SLC25A26: variants seen among roughly 807,000 people sequenced by gnomAD.
SLC25A26 encodes the protein solute carrier family 25 member 26.
SLC25A26 carries 36 observed loss-of-function variants against 37.8 expected under a neutral mutation model. The ratio of observed to expected loss-of-function variants is 0.95; its 90% CI spans 0.73 to 1.26. The LOEUF is 1.26. Ranked by LOEUF, SLC25A26 falls within the 50% of genes most tolerant of loss-of-function variation. The pLI, the probability that SLC25A26 is intolerant of heterozygous loss-of-function variation, is 0.00. For missense variants in SLC25A26, 390 were observed against 331.1 expected, an observed-to-expected ratio of 1.18 and a Z score of -1.38; for synonymous variants, 129 against 122.5, an observed-to-expected ratio of 1.05 and a Z score of -0.35.
At chr3:66,286,729 G>C (rs114405321) in intron 5 of SLC25A26, among the ~76,000 whole-genome samples, 371 of 152,126 alleles carry the variant, frequency 2.4e-3, no homozygotes, top group Non-Finnish European at 3.5e-3. Context: ...ACCAAGGCTG[G>C]GGTGCAGTGG....
intron 4 of SLC25A26, among the ~76,000 whole-genome samples, chr3:66,262,400 C>T (rs961345372): frequency 6.6e-6 from 1 of 152,132 alleles, no homozygotes; most frequent in African/African-American, 2.4e-5. Context: ...TCCTGCAGTT[C>T]TTCTGGAATC....
intron 1 of SLC25A26, among the ~76,000 whole-genome samples, chr3:66,151,242 C>T (rs2070204119): frequency 6.6e-6 from 1 of 152,136 alleles, no homozygotes; most frequent in African/African-American, 2.4e-5. Context: ...GTCAGCCTTA[C>T]TCCACTACTC....
intron 6 of SLC25A26, among the ~76,000 whole-genome samples, chr3:66,359,402 AT>A (rs1200764380): frequency 6.6e-6 from 1 of 152,168 alleles, no homozygotes; most frequent in Non-Finnish European, 1.5e-5. Context: ...CTTGCATAAC[AT>A]TTTTGATTTC....
intron 5 of SLC25A26, among the ~76,000 whole-genome samples, chr3:66,333,027 T>A (rs2076013055): frequency 6.6e-6 from 1 of 152,184 alleles, no homozygotes; most frequent in South Asian, 2.1e-4. Context: ...TTGCTATGGC[T>A]TCCATTGTCG....
chr3:66,276,008 A>G (rs528582233), intron 5 of SLC25A26, among the ~76,000 whole-genome samples: 9 of 152,262 alleles, frequency 5.9e-5, no homozygotes, highest in East Asian at 5.8e-4. Flanking sequence ...TAAGAAAACT[A>G]AATTTGAAGG....
chr3:66,191,336 A>C (rs1216524123), intron 1 of SLC25A26, among the ~76,000 whole-genome samples: 2 of 152,222 alleles, frequency 1.3e-5, no homozygotes, highest in Non-Finnish European at 2.9e-5. Context: ...TTGAGGCTGC[A>C]GTGAGCTGTG....
At chr3:66,265,258 G>C (rs2073698355) in intron 5 of SLC25A26, among the ~76,000 whole-genome samples, 1 of 152,064 alleles carries the variant, frequency 6.6e-6, no homozygotes, top group African/African-American at 2.4e-5. Context: ...AGTGAGCTGT[G>C]ATTGTGCCAC....
chr3:66,223,852 A>C (rs959512190), intron 1 of SLC25A26, among the ~76,000 whole-genome samples: 2 of 152,174 alleles, frequency 1.3e-5, no homozygotes, highest in African/African-American at 4.8e-5. Context: ...CAAAGAGTAC[A>C]TTGATCAGTG....
intron 5 of SLC25A26, among the ~76,000 whole-genome samples, chr3:66,303,744 G>A (rs1041731329): frequency 6.6e-6 from 1 of 152,196 alleles, no homozygotes; most frequent in African/African-American, 2.4e-5. Context: ...GGTCTCTACA[G>A]CAGCAGTCTG....
chr3:66,328,738 C>T (rs1449211054), intron 5 of SLC25A26, among the ~76,000 whole-genome samples: 1 of 152,102 alleles, frequency 6.6e-6, no homozygotes, highest in African/African-American at 2.4e-5. Flanking sequence ...CTTAGTTTCT[C>T]TTTATAAGAT....
intron 5 of SLC25A26, among the ~76,000 whole-genome samples, chr3:66,338,799 A>G (rs2076146095): frequency 6.6e-6 from 1 of 152,010 alleles, no homozygotes; most frequent in Non-Finnish European, 1.5e-5. Context: ...TGCCTGTTCT[A>G]GATATTTCAT....
Position 66,262,108 on chromosome 3 carries a change from G to T in SLC25A26, c.358G>T (p.Ala120Ser). 1 of 1,585,744 alleles carries T rather than the reference G, an allele frequency of 6.3e-7. No homozygotes were observed. Among genetic ancestry groups the T allele is most frequent in the Non-Finnish European group, 8.6e-7 (1 of 1,164,984 alleles). ...GGTTAAGCAGAGGGCACAGGTATCT[G>T]CTTCTACAAGAACATTTCAGATTTT... is the stretch of plus-strand genomic sequence containing the variant. Reference protein sequence around the residue: ...EVVKQRAQVSASTRTFQIFSN... With the variant: ...EVVKQRAQVSSSTRTFQIFSN... Residue 120 changes from alanine to serine, a missense_variant, in exon 4 of 10, where the codon GCT becomes TCT. Coordinates refer to ENST00000354883, the MANE Select transcript of SLC25A26 (RefSeq NM_001379210.1).
intron 1 of SLC25A26, among the ~76,000 whole-genome samples, chr3:66,165,201 A>C (rs1026647467): frequency 6.6e-6 from 1 of 152,220 alleles, no homozygotes; most frequent in South Asian, 2.1e-4. Flanking sequence ...CCCACCTTCA[A>C]CTTGCCAGTC....
At chr3:66,189,941 A>G (rs2070904999) in intron 1 of SLC25A26, among the ~76,000 whole-genome samples, 1 of 152,138 alleles carries the variant, frequency 6.6e-6, no homozygotes, top group Non-Finnish European at 1.5e-5. Flanking sequence ...CTGGGATTAC[A>G]GGAGTGAGCC....
intron 1 of SLC25A26, among the ~76,000 whole-genome samples, chr3:66,174,634 A>T (rs1372450078): frequency 6.6e-6 from 1 of 151,834 alleles, no homozygotes; most frequent in Non-Finnish European, 1.5e-5. Flanking sequence ...AACACAGAAA[A>T]AATTAGCTGG....
chr3:66,190,069 T>C (rs1186479148), intron 1 of SLC25A26, among the ~76,000 whole-genome samples: 1 of 152,136 alleles, frequency 6.6e-6, no homozygotes, highest in Non-Finnish European at 1.5e-5. Flanking sequence ...CCCGGCACTT[T>C]GGGAGGCCGA....
In SLC25A26 at chr3:66,334,690, A is replaced by G. The variant is rs543643326; in HGVS notation, c.454-11674A>G. ...TTCTGCCTTTTGACTTGAGAATAGC[A>G]TGTCCCAAATATGATCTGTTCTTCT... On this transcript the variant is annotated intron_variant, in intron 5 of 9. Coordinates refer to ENST00000354883, the MANE Select transcript of SLC25A26 (RefSeq NM_001379210.1). 5.3e-5 allele frequency among the ~76,000 whole-genome samples: 8 copies of G among 152,138 alleles called. No individual in the cohort carries two copies. The East Asian group carries it at 1.4e-3, about 26-fold the overall frequency.
chr3:66,324,732 A>T (rs552780211), intron 5 of SLC25A26, among the ~76,000 whole-genome samples: 15 of 151,086 alleles, frequency 9.9e-5, no homozygotes, highest in Admixed American at 2.6e-4. Context: ...GTTAGGTCAG[A>T]TTTTTCTCAC....
At chr3:66,151,845 T>C (rs139731028) in intron 1 of SLC25A26, among the ~76,000 whole-genome samples, 88 of 152,350 alleles carry the variant, frequency 5.8e-4, no homozygotes, top group African/African-American at 2.0e-3. Context: ...TCTCCTCAAA[T>C]AGACAGTGAG....
Sources: gnomAD v4.1 joint callset for allele counts (sites outside exome capture counted in the v4.1 genomes callset) on GRCh38, gnomAD v4.1.1 for gene constraint, MANE v1.5 for transcripts, NCBI Gene and HGNC (gene_info 2026-07-23, HGNC 2026-07-21) for gene names.